RIMBP2: variants seen among roughly 807,000 people sequenced by gnomAD.
The protein encoded by RIMBP2 is RIMS binding protein 2.
A neutral mutation model predicts 118.6 loss-of-function variants in RIMBP2; 48 were observed. The observed-to-expected ratio is 0.40, with a 90% CI of 0.32 to 0.51. The LOEUF (loss-of-function observed/expected upper bound fraction) is 0.51. Ranked by LOEUF, RIMBP2 falls within the 20% of genes least tolerant of loss-of-function variation. RIMBP2 has a pLI of 0.41. For missense variants in RIMBP2, 1,551 were observed against 1,768.3 expected (o/e 0.88, Z 2.20); for synonymous variants, 762 against 742.9 (o/e 1.03, Z -0.42).
At chr12:130,639,159 G>A (rs980696032) in intron 1 of RIMBP2, among the ~76,000 whole-genome samples, 7 of 148,418 alleles carry the variant, frequency 4.7e-5, no homozygotes, top group Non-Finnish European at 7.4e-5. Context: ...AGGCCGAGGC[G>A]GGTAGATCAC....
chr12:130,552,786 G>A (rs547352804), intron 2 of RIMBP2, among the ~76,000 whole-genome samples: 38 of 152,286 alleles, frequency 2.5e-4, no homozygotes, highest in African/African-American at 8.4e-4. Context: ...ACAGAGCCTT[G>A]TGCACTGTCC....
At chr12:130,696,299 G>A (rs926630987) in intron 1 of RIMBP2, among the ~76,000 whole-genome samples, 8 of 152,252 alleles carry the variant, frequency 5.3e-5, no homozygotes, top group Non-Finnish European at 7.3e-5. Context: ...GGAAGAGGCC[G>A]CTGATGGGAG....
rs112117720 is a variant in RIMBP2, at chr12:130,407,735, G to A, written c.3684C>T (p.Val1228=). Residue 1228 remains valine (V), a synonymous_variant, in exon 20 of 23, where the codon GTC becomes GTT. Coordinates refer to ENST00000690449, the MANE Select transcript of RIMBP2 (RefSeq NM_001393629.1). ...DYDPRESSPN[V]DVEAELTFCT... ...AGTGTTTGGCTGGTACCTCGACATC[G>A]ACGTTGGGCGAGCTTTCTCTGGGGT... is the stretch of plus-strand genomic sequence containing the variant. 135 of 1,613,684 alleles carry A rather than the reference G, an allele frequency of 8.4e-5. No homozygotes were observed. Among genetic ancestry groups the A allele is most frequent in the African/African-American group, 1.2e-4 (9 of 75,034 alleles).
intron 2 of RIMBP2, among the ~76,000 whole-genome samples, chr12:130,566,204 C>A (rs1348790796): frequency 2.6e-5 from 4 of 152,270 alleles, no homozygotes; most frequent in Admixed American, 6.5e-5. Context: ...CACACACTCA[C>A]TCAACAGTCC....
Position 130,478,935 on chromosome 12 carries a change from G to T in RIMBP2, c.79C>A (p.Gln27Lys). ...ACCTTCTGCAGAAGGTCAATTTCCT[G>T]CTGCTTGGCACTGAGAACAGCCAGG... ...QALAVLSAKQ[Q>K]EIDLLQKAQV... The change falls in exon 5 of 23, where the codon CAG becomes AAG. Residue 27 changes from glutamine to lysine, a missense_variant. Transcript: ENST00000690449. The T allele has an allele frequency of 1.2e-6, 2 of 1,613,604 alleles. No individual in the cohort carries two copies. Among genetic ancestry groups the T allele is most frequent in the Non-Finnish European group, 1.7e-6 (2 of 1,179,796 alleles).
intron 1 of RIMBP2, among the ~76,000 whole-genome samples, chr12:130,645,566 G>A (rs2062829530): frequency 6.6e-6 from 1 of 152,314 alleles, no homozygotes; most frequent in East Asian, 1.9e-4. Context: ...CTTTAGGATT[G>A]GAGAAAGTCA....
chr12:130,609,345 C>T (rs1221429006), intron 2 of RIMBP2, among the ~76,000 whole-genome samples: 1 of 152,108 alleles, frequency 6.6e-6, no homozygotes, highest in African/African-American at 2.4e-5. Context: ...CTCTACACAA[C>T]GGAATGCTGT....
rs569992078 is a variant in RIMBP2, at chr12:130,706,647, T to C, written c.-352+9575A>G. 7.2e-5 allele frequency among the ~76,000 whole-genome samples: 11 copies of C among 152,382 alleles called. No individual in the cohort carries two copies. In the South Asian group the frequency reaches 2.3e-3, roughly 32 times the overall value. ...TCTTGGCTGCTCCACTCAGGAGCCA[T>C]AAGGATTTGGGCAAGTGACTTAACC... On this transcript the variant is annotated intron_variant, in intron 1 of 22. Coordinates refer to ENST00000690449, the MANE Select transcript of RIMBP2 (RefSeq NM_001393629.1).
chr12:130,598,858 C>T (rs2059707957), intron 2 of RIMBP2, among the ~76,000 whole-genome samples: 3 of 152,004 alleles, frequency 2.0e-5, no homozygotes, highest in Non-Finnish European at 4.4e-5. Context: ...TAAATAGACC[C>T]ACAAATGTAT....
At chr12:130,522,444 G>A (rs1010887045) in intron 2 of RIMBP2, among the ~76,000 whole-genome samples, 4 of 152,228 alleles carry the variant, frequency 2.6e-5, no homozygotes, top group African/African-American at 4.8e-5. Context: ...ACGTGGGGAC[G>A]GGAACTGGCC....
At chr12:130,472,118 G>A (rs1487708731) in intron 5 of RIMBP2, 1 of 152,346 alleles carries the variant, frequency 6.6e-6, no homozygotes. Context: ...AAGTCCTGGT[G>A]ATGTCGGGGA....
intron 2 of RIMBP2, among the ~76,000 whole-genome samples, chr12:130,579,344 T>C (rs2058305926): frequency 6.6e-6 from 1 of 152,212 alleles, no homozygotes; most frequent in South Asian, 2.1e-4. Context: ...GGTGCCGACG[T>C]GACCAGTCCT....
In RIMBP2 at chr12:130,420,490, G is replaced by A. The variant is rs191300234; in HGVS notation, c.3238+1963C>T. Among the ~76,000 whole-genome samples, 242 of 152,160 alleles carry A rather than the reference G, an allele frequency of 1.6e-3. No homozygotes were observed. Among genetic ancestry groups the A allele is most frequent in the African/African-American group, 5.2e-3 (214 of 41,508 alleles). The stretch of plus-strand genomic sequence containing the variant: ...ACGCATGCAGCCTTTGGAATTCTAC[G>A]GCTTCAGAAAAATCCAACCACATTC... On this transcript the variant is annotated intron_variant, in intron 17 of 22. Coordinates refer to ENST00000690449, the MANE Select transcript of RIMBP2 (RefSeq NM_001393629.1). This position sits in a 1 kb window ranked among gnomAD's most constrained non-coding sequence, Gnocchi z 4.3.
intron 7 of RIMBP2, among the ~76,000 whole-genome samples, chr12:130,455,977 G>A (rs2079402579): frequency 6.6e-6 from 1 of 152,174 alleles, no homozygotes; most frequent in Non-Finnish European, 1.5e-5. Flanking sequence ...GGACTGTGAT[G>A]GGCGAGGGCT....
Position 130,606,177 on chromosome 12 carries a change from A to G in RIMBP2, c.-217+22145T>C, listed in dbSNP as rs143945739. ...CAACTGGAAGTAAATATGGTAAAAA[A>G]TAAAAAATAAAAAAAGATTGGCCCT... On this transcript the variant is annotated intron_variant, in intron 2 of 22. Coordinates refer to ENST00000690449, the MANE Select transcript of RIMBP2 (RefSeq NM_001393629.1). Among the ~76,000 whole-genome samples, 788 of 152,334 alleles carry G rather than the reference A, an allele frequency of 5.2e-3. 3 individuals carry two copies. Among genetic ancestry groups the G allele is most frequent in the African/African-American group, 0.014 (589 of 41,580 alleles).
chr12:130,445,326 C>T (rs910030299), intron 9 of RIMBP2, 57 bp from the exon 10 acceptor site: 9 of 1,278,302 alleles, frequency 7.0e-6, no homozygotes, highest in East Asian at 4.7e-5. Flanking sequence ...GCCCGCACCC[C>T]TGTCCGTGCA....
At chr12:130,664,232 A>T (rs910428072) in intron 1 of RIMBP2, among the ~76,000 whole-genome samples, 7 of 151,730 alleles carry the variant, frequency 4.6e-5, no homozygotes, top group African/African-American at 1.7e-4. Context: ...TCTCAGTCTC[A>T]GAGGAGGGAG....
intron 10 of RIMBP2, among the ~76,000 whole-genome samples, chr12:130,444,307 C>A (rs544842349): frequency 1.3e-5 from 2 of 152,230 alleles, no homozygotes; most frequent in Non-Finnish European, 2.9e-5. Flanking sequence ...GACTGCTGGG[C>A]TCCTGCTCAT....
chr12:130,499,112 G>C (rs892502012), intron 4 of RIMBP2, among the ~76,000 whole-genome samples: 1 of 152,246 alleles, frequency 6.6e-6, no homozygotes, highest in South Asian at 2.1e-4. Flanking sequence ...CAACAGGAAA[G>C]AGCATGAAGC....
Sources: allele counts gnomAD v4.1 joint callset (sites outside exome capture counted in the v4.1 genomes callset), GRCh38; gene constraint gnomAD v4.1.1; non-coding constraint Gnocchi (gnomAD v3.1); transcripts MANE v1.5; gene names NCBI Gene and HGNC (gene_info 2026-07-23, HGNC 2026-07-21).